The following DIAPH3 variants were observed in gnomAD, a reference collection of about 807,000 sequenced individuals.
DIAPH3 encodes diaphanous related formin 3, also known as protein diaphanous homolog 3.
In DIAPH3, 117 loss-of-function variants were observed where a neutral mutation model predicts 144.3. That is an observed-to-expected ratio of 0.81 (90% CI 0.70 to 0.95). The LOEUF (loss-of-function observed/expected upper bound fraction) is 0.95, where lower values mean the gene tolerates loss of function less well. Among genes scored for constraint, DIAPH3 ranks in the 40% least tolerant of loss-of-function variants. The pLI is 0.00. For synonymous variants in DIAPH3, 519 were observed against 488.9 expected, an observed-to-expected ratio of 1.06 and a Z score of -0.81; for missense variants, 1,421 against 1,412.7, an observed-to-expected ratio of 1.01 and a Z score of -0.09.
At chr13:60,108,095 A>G (rs1282518400) in intron 3 of DIAPH3, among the ~76,000 whole-genome samples, 1 of 152,232 alleles carries the variant, frequency 6.6e-6, no homozygotes, top group East Asian at 1.9e-4. Flanking sequence ...TAAGTTAGGA[A>G]GCTGCACTTA....
At chr13:59,896,407 T>C (rs1166866458) in intron 20 of DIAPH3, among the ~76,000 whole-genome samples, 1 of 152,156 alleles carries the variant, frequency 6.6e-6, no homozygotes, top group East Asian at 1.9e-4. Context: ...CCATCATCTT[T>C]TGAGTATCAC....
chr13:60,025,629 G>A (rs1374105334), intron 5 of DIAPH3, among the ~76,000 whole-genome samples: 1 of 151,800 alleles, frequency 6.6e-6, no homozygotes, highest in Non-Finnish European at 1.5e-5. Context: ...CTAAAATGAG[G>A]TCAAAGAAAA....
chr13:59,722,950 A>G (rs2035416107), intron 27 of DIAPH3, among the ~76,000 whole-genome samples: 1 of 152,228 alleles, frequency 6.6e-6, no homozygotes, highest in Non-Finnish European at 1.5e-5. Flanking sequence ...ACTGGATTCT[A>G]GTCTCTGAGC....
intron 24 of DIAPH3, among the ~76,000 whole-genome samples, chr13:59,828,308 T>G (rs2041570190): frequency 6.6e-6 from 1 of 152,002 alleles, no homozygotes; most frequent in South Asian, 2.1e-4. Flanking sequence ...TTTCATGTTT[T>G]GAAATAGAAG....
chr13:59,989,380 G>T (rs1277407442), intron 12 of DIAPH3, among the ~76,000 whole-genome samples: 3 of 150,210 alleles, frequency 2.0e-5, no homozygotes, highest in African/African-American at 7.4e-5. Flanking sequence ...ATATTTTTAA[G>T]AATTTTTTTA....
intron 18 of DIAPH3, among the ~76,000 whole-genome samples, chr13:59,924,130 T>C (rs923586293): frequency 6.6e-6 from 1 of 152,224 alleles, no homozygotes; most frequent in Non-Finnish European, 1.5e-5. Flanking sequence ...TCTCTAAGCA[T>C]AACTACCTTT....
At chr13:59,862,859 A>T (rs1310056004) in intron 21 of DIAPH3, among the ~76,000 whole-genome samples, 1 of 152,186 alleles carries the variant, frequency 6.6e-6, no homozygotes, top group Non-Finnish European at 1.5e-5. Context: ...AAAACTGGTT[A>T]AACAAGTAAG....
At chr13:59,848,307 CTTTT>C (rs71089517) in intron 22 of DIAPH3, among the ~76,000 whole-genome samples, 1 of 128,096 alleles carries the variant, frequency 7.8e-6, no homozygotes, top group Non-Finnish European at 1.6e-5. Context: ...AAAGTCAAAT[CTTTT>C]TTTTTTTTTT....
chr13:60,082,752 A>T (rs1478605096), intron 4 of DIAPH3, among the ~76,000 whole-genome samples: 1 of 152,104 alleles, frequency 6.6e-6, no homozygotes, highest in Non-Finnish European at 1.5e-5. Flanking sequence ...ACAAACAAAA[A>T]GTCTGCAGAA....
intron 27 of DIAPH3, among the ~76,000 whole-genome samples, chr13:59,706,571 T>A (rs1468638907): frequency 6.6e-6 from 1 of 152,228 alleles, no homozygotes; most frequent in Non-Finnish European, 1.5e-5. Context: ...GCTTAATGTA[T>A]ACTTTGTAAA....
chr13:59,977,746 A>G (rs1379442701), intron 14 of DIAPH3, among the ~76,000 whole-genome samples: 1 of 151,792 alleles, frequency 6.6e-6, no homozygotes, highest in Non-Finnish European at 1.5e-5. Context: ...AGAGGAGTGT[A>G]TCTAAGATGA....
chr13:59,759,318 C>G (rs1321533606), intron 27 of DIAPH3, among the ~76,000 whole-genome samples: 2 of 152,078 alleles, frequency 1.3e-5, no homozygotes, highest in African/African-American at 4.8e-5. Context: ...ACAGAAACTA[C>G]CACAAGGAGA....
intron 17 of DIAPH3, among the ~76,000 whole-genome samples, chr13:59,968,688 G>C (rs1326321492): frequency 6.6e-6 from 1 of 152,142 alleles, no homozygotes; most frequent in Non-Finnish European, 1.5e-5. Flanking sequence ...ACCTTTTGGA[G>C]AGAGTTTCTA....
chr13:59,764,812 C>T (rs1202529314), intron 27 of DIAPH3, among the ~76,000 whole-genome samples: 1 of 151,930 alleles, frequency 6.6e-6, no homozygotes, highest in Non-Finnish European at 1.5e-5. Flanking sequence ...ACCAGCATTG[C>T]CAACATCTTA....
intron 24 of DIAPH3, among the ~76,000 whole-genome samples, chr13:59,821,573 T>C (rs1206355312): frequency 6.6e-6 from 1 of 152,168 alleles, no homozygotes; most frequent in African/African-American, 2.4e-5. Flanking sequence ...CCATTAAAAT[T>C]ATTTTCTTTG....
chr13:59,996,211 C>T (rs2052181196), intron 9 of DIAPH3, among the ~76,000 whole-genome samples: 1 of 152,088 alleles, frequency 6.6e-6, no homozygotes, highest in Non-Finnish European at 1.5e-5. Context: ...TGCCTCCCCA[C>T]AGATGCCATA....
chr13:59,922,292 T>C (rs2047558329), intron 18 of DIAPH3, among the ~76,000 whole-genome samples: 1 of 151,988 alleles, frequency 6.6e-6, no homozygotes, highest in South Asian at 2.1e-4. Flanking sequence ...TAAAAAATCA[T>C]AAACAAATGA....
At chr13:59,970,209 T>C (rs1418019741) in intron 16 of DIAPH3, 151 bp from the exon 17 acceptor site, 9 of 454,592 alleles carry the variant, frequency 2.0e-5, no homozygotes, top group Non-Finnish European at 7.8e-6. Context: ...TTCAATAAGA[T>C]ACAAGTTCTG....
rs185954540 is a variant in DIAPH3, at chr13:59,822,452, T to A, written c.3027+10655A>T. On this transcript the variant is annotated intron_variant, in intron 24 of 27. Transcript: ENST00000400324. ...AATTTATTTATTTATTTATTTATTT[T>A]TTTTTGTGAGACGGAGTCTCGCTCT... 1.0e-2 allele frequency among the ~76,000 whole-genome samples: 1,515 copies of A among 152,106 alleles called. 26 individuals carry two copies. Among genetic ancestry groups the A allele is most frequent in the Admixed American group, 0.049 (754 of 15,244 alleles).
Sources: allele counts gnomAD v4.1 joint callset (sites outside exome capture counted in the v4.1 genomes callset), GRCh38; gene constraint gnomAD v4.1.1; transcripts MANE v1.5; gene names NCBI Gene and HGNC (gene_info 2026-07-23, HGNC 2026-07-21).